The following MALRD1 variants were observed in gnomAD, a reference collection of about 807,000 sequenced individuals.
MALRD1 encodes the protein MAM and LDL-receptor class A domain-containing protein 1.
A neutral mutation model predicts 242.1 loss-of-function variants in MALRD1; 247 were observed. That is an observed-to-expected ratio of 1.02 (90% CI 0.92 to 1.13). MALRD1 has a LOEUF of 1.13. Among genes scored for constraint, MALRD1 ranks in the 50% most tolerant of loss-of-function variants. The pLI, the probability that MALRD1 is intolerant of heterozygous loss-of-function variation, is 0.00. For synonymous variants in MALRD1, 995 were observed against 866.6 expected (o/e 1.15, Z -2.60); for missense variants, 2,989 against 2,533.1 (o/e 1.18, Z -3.86).
At chr10:19,621,170 C>T (rs1405445285) in intron 36 of MALRD1, among the ~76,000 whole-genome samples, 3 of 151,310 alleles carry the variant, frequency 2.0e-5, no homozygotes, top group Non-Finnish European at 4.4e-5. Flanking sequence ...TAGAACACTT[C>T]CCCTCCCCAC....
At chr10:19,286,220 C>G (rs1237620659) in intron 21 of MALRD1, among the ~76,000 whole-genome samples, 1 of 149,574 alleles carries the variant, frequency 6.7e-6, no homozygotes, top group African/African-American at 2.5e-5. Context: ...TTGACTTCCT[C>G]TTTTCCTAAT....
At chr10:19,530,487 T>G (rs1330259533) in intron 31 of MALRD1, among the ~76,000 whole-genome samples, 2 of 138,730 alleles carry the variant, frequency 1.4e-5, no homozygotes, top group Non-Finnish European at 3.1e-5. Context: ...AATATTTATA[T>G]AAATAAATAT....
At chr10:19,182,354 G>A (rs1419916469) in intron 14 of MALRD1, among the ~76,000 whole-genome samples, 1 of 94,938 alleles carries the variant, frequency 1.1e-5, no homozygotes, top group Non-Finnish European at 2.1e-5. Context: ...TTTTTGAGAC[G>A]GAGTCTGTTG....
At chr10:19,239,364 A>C (rs1268921518) in intron 18 of MALRD1, among the ~76,000 whole-genome samples, 1 of 151,968 alleles carries the variant, frequency 6.6e-6, no homozygotes, top group Non-Finnish European at 1.5e-5. Flanking sequence ...TTTGCTGTTG[A>C]GTTGTTTAAG....
chr10:19,672,311 ACT>A (rs1227965096), intron 36 of MALRD1, among the ~76,000 whole-genome samples: 5 of 150,220 alleles, frequency 3.3e-5, no homozygotes, highest in African/African-American at 9.8e-5. Context: ...AGCTCTTTAG[ACT>A]CTTTTATAGG....
At chr10:19,538,336 G>A (rs79506900) in intron 32 of MALRD1, among the ~76,000 whole-genome samples, 2,130 of 152,228 alleles carry the variant, frequency 0.014, 25 homozygotes, top group Non-Finnish European at 0.024. Context: ...AAGGCTGAAG[G>A]AATTAGAGAA....
intron 28 of MALRD1, among the ~76,000 whole-genome samples, chr10:19,418,973 T>C (rs1369842770): frequency 2.0e-5 from 3 of 152,130 alleles, no homozygotes; most frequent in Non-Finnish European, 4.4e-5. Context: ...ACAAAAATAG[T>C]AGTATGGTGG....
At chr10:19,162,372 CTTCTT>C (rs1277587421) in intron 12 of MALRD1, among the ~76,000 whole-genome samples, 3 of 151,850 alleles carry the variant, frequency 2.0e-5, no homozygotes, top group African/African-American at 7.3e-5. Context: ...TCATTTCTTT[CTTCTT>C]TTCTTTAATG....
At chr10:19,142,772 A>G (rs938932236) in intron 10 of MALRD1, among the ~76,000 whole-genome samples, 1 of 152,242 alleles carries the variant, frequency 6.6e-6, no homozygotes, top group Admixed American at 6.5e-5. Flanking sequence ...ATAGTATGAT[A>G]AGACATTTAA....
At chr10:19,166,189 A>G (rs1409834213) in intron 13 of MALRD1, among the ~76,000 whole-genome samples, 1 of 152,224 alleles carries the variant, frequency 6.6e-6, no homozygotes, top group Admixed American at 6.5e-5. Flanking sequence ...GTTGGATTAT[A>G]TGATGTAGTG....
intron 13 of MALRD1, among the ~76,000 whole-genome samples, chr10:19,168,776 C>G (rs1484776386): frequency 6.6e-6 from 1 of 152,154 alleles, no homozygotes; most frequent in African/African-American, 2.4e-5. Flanking sequence ...CATCCCCCTG[C>G]TGGTGGCTCA....
At chr10:19,077,568 G>C (rs1260880044) in intron 2 of MALRD1, among the ~76,000 whole-genome samples, 1 of 151,932 alleles carries the variant, frequency 6.6e-6, no homozygotes, top group East Asian at 1.9e-4. Flanking sequence ...GAACACTAGA[G>C]AGGGACAATT....
At chr10:19,491,989 T>G (rs1227511061) in intron 30 of MALRD1, among the ~76,000 whole-genome samples, 1 of 146,798 alleles carries the variant, frequency 6.8e-6, no homozygotes, top group East Asian at 2.0e-4. Context: ...TTATTGGTTG[T>G]TTTTTTTTTT....
At chr10:19,188,254 T>A (rs1477736203) in intron 14 of MALRD1, among the ~76,000 whole-genome samples, 1 of 152,148 alleles carries the variant, frequency 6.6e-6, no homozygotes, top group African/African-American at 2.4e-5. Context: ...TATTGATAGT[T>A]GCTAAGCAAG....
intron 18 of MALRD1, among the ~76,000 whole-genome samples, chr10:19,236,835 A>G (rs1186351514): frequency 6.6e-6 from 1 of 152,084 alleles, no homozygotes; most frequent in Non-Finnish European, 1.5e-5. Context: ...TATATTTTAT[A>G]TTTCAGTAGT....
In MALRD1 at chr10:19,571,199, A is replaced by T. The variant is rs988590520; in HGVS notation, c.5680+3496A>T. Among the ~76,000 whole-genome samples, 5 of 152,134 alleles carry T rather than the reference A, an allele frequency of 3.3e-5. No homozygotes were observed. In the South Asian group the frequency reaches 6.2e-4, roughly 19 times the overall value. On this transcript the variant is annotated intron_variant, in intron 33 of 39. Coordinates refer to ENST00000454679, the MANE Select transcript of MALRD1 (RefSeq NM_001142308.3). Reference sequence around the variant, plus strand: ...TCAGGCAGAATAAACATTATGAGTGAGCTGTTCTGCTAGTAGTTCAGGGAT... The same window carrying T: ...TCAGGCAGAATAAACATTATGAGTGTGCTGTTCTGCTAGTAGTTCAGGGAT...
At chr10:19,547,002 A>C (rs1835234670) in intron 32 of MALRD1, among the ~76,000 whole-genome samples, 1 of 152,120 alleles carries the variant, frequency 6.6e-6, no homozygotes, top group Non-Finnish European at 1.5e-5. Context: ...TTGCAGTATA[A>C]ATTTTCTTTC....
In MALRD1 at chr10:19,559,835, G is replaced by A. The variant is rs529156196; in HGVS notation, c.5479-7667G>A. On this transcript the variant is annotated intron_variant, in intron 32 of 39. Coordinates refer to ENST00000454679, the MANE Select transcript of MALRD1 (RefSeq NM_001142308.3). ...CCATCGAACCATGGACAAAGGATGT[G>A]AACAGACACTTCTGAAAAGAAGACA... 1.9e-3 allele frequency among the ~76,000 whole-genome samples: 296 copies of A among 152,248 alleles called. 1 individual carries two copies. The highest frequency in any genetic ancestry group is 3.6e-3 in the Non-Finnish European group (246 of 68,012).
chr10:19,733,575 G>A (rs1413040925), intron 39 of MALRD1, among the ~76,000 whole-genome samples: 1 of 151,650 alleles, frequency 6.6e-6, no homozygotes, highest in East Asian at 1.9e-4. Flanking sequence ...GAAGGTATAT[G>A]CATCCAAATG....
Sources: allele counts gnomAD v4.1 joint callset (sites outside exome capture counted in the v4.1 genomes callset), GRCh38; gene constraint gnomAD v4.1.1; transcripts MANE v1.5; gene names NCBI Gene and HGNC (gene_info 2026-07-23, HGNC 2026-07-21).